The following THTPA variants were observed in gnomAD, a reference collection of about 807,000 sequenced individuals.
THTPA encodes thiamine-triphosphatase.
A neutral mutation model predicts 16.5 loss-of-function variants in THTPA; 16 were observed. The observed-to-expected ratio is 0.97, with a 90% CI of 0.66 to 1.47. The LOEUF (loss-of-function observed/expected upper bound fraction) is 1.47, where lower values mean the gene tolerates loss of function less well. Among genes scored for constraint, THTPA ranks in the 40% most tolerant of loss-of-function variants. The pLI is 0.00. For missense variants in THTPA, 281 were observed against 280.9 expected (o/e 1.00, Z 0.00); for synonymous variants, 110 against 115.5 (o/e 0.95, Z 0.30).
chr14:23,529,464 C>G, the THTPA span: 2 of 513,640 alleles, frequency 3.9e-6, no homozygotes, highest in Non-Finnish European at 3.5e-6. Context: ...TTCCTTTATT[C>G]ATCTTTCCCT....
the THTPA span, chr14:23,525,223 T>TC: frequency 1.3e-6 from 2 of 1,536,006 alleles, no homozygotes; most frequent in Non-Finnish European, 1.7e-6. The surrounding 1 kb of genome is among the most constrained non-coding windows in gnomAD (Gnocchi z 5.9). Flanking sequence ...TGGGCCAGTG[T>TC]CCCCCTGCTC....
the THTPA span, among the ~76,000 whole-genome samples, chr14:23,545,555 T>C: frequency 6.6e-6 from 1 of 152,246 alleles, no homozygotes; most frequent in South Asian, 2.1e-4. Flanking sequence ...GCCTAATCTT[T>C]CCAGAACCTC....
upstream of THTPA, among the ~76,000 whole-genome samples, chr14:23,552,250 T>C (rs1302033678): frequency 6.6e-6 from 1 of 151,400 alleles, no homozygotes; most frequent in Non-Finnish European, 1.5e-5. Context: ...TTCGGGCTCC[T>C]CCTCATCTTC....
In THTPA at chr14:23,560,205, C is replaced by T; in HGVS notation, c.*1365C>T. On this transcript the variant is annotated 3_prime_UTR_variant, in exon 2 of 2. Transcript: ENST00000288014. The stretch of plus-strand genomic sequence containing the variant: ...CCACCCACCTCCTCCACTTAGTGGC[C>T]TTTTCTCCTGGAGTCCCCAGGCCAC... 2 of 1,600,560 alleles carry T rather than the reference C, an allele frequency of 1.2e-6. No individual in the cohort carries two copies. Among genetic ancestry groups the T allele is most frequent in the Non-Finnish European group, 1.7e-6 (2 of 1,171,578 alleles).
chr14:23,559,721 G>A lies in THTPA; in HGVS notation c.*881G>A, dbSNP rs773005007. On this transcript the variant is annotated 3_prime_UTR_variant, in exon 2 of 2. Coordinates refer to ENST00000288014, the MANE Select transcript of THTPA (RefSeq NM_024328.6). Reference sequence around the variant, plus strand: ...GGGCCCCCTGGGGTTTGGGACACAGGAGAATTTCAGGCTGTGAGTGGAGAC... The same window carrying A: ...GGGCCCCCTGGGGTTTGGGACACAGAAGAATTTCAGGCTGTGAGTGGAGAC... 5 of 1,610,468 alleles carry A rather than the reference G, an allele frequency of 3.1e-6. No individual in the cohort carries two copies. The highest frequency in any genetic ancestry group is 3.4e-6 in the Non-Finnish European group (4 of 1,177,514).
At chr14:23,546,981 C>T in the THTPA span, among the ~76,000 whole-genome samples, 1 of 152,242 alleles carries the variant, frequency 6.6e-6, no homozygotes, top group Non-Finnish European at 1.5e-5. The surrounding 1 kb of genome is among the most constrained non-coding windows in gnomAD (Gnocchi z 4.7). Context: ...GATTTCTCAA[C>T]CCATTCAGGG....
At chr14:23,524,259 C>T in the THTPA span, 1 of 1,536,358 alleles carries the variant, frequency 6.5e-7, no homozygotes, top group Non-Finnish European at 8.7e-7. The surrounding 1 kb of genome is among the most constrained non-coding windows in gnomAD (Gnocchi z 5.6). Context: ...TTTTTGAGCC[C>T]CACCTCCTCG....
the THTPA span, chr14:23,523,745 C>T: frequency 1.0e-5 from 16 of 1,536,152 alleles, no homozygotes; most frequent in African/African-American, 6.8e-5. This position sits in a 1 kb window ranked among gnomAD's most constrained non-coding sequence, Gnocchi z 4.1. Context: ...CCTGTAGCGC[C>T]GCTGCCCCAT....
chr14:23,544,934 G>A, the THTPA span, among the ~76,000 whole-genome samples: 3 of 151,264 alleles, frequency 2.0e-5, no homozygotes, highest in South Asian at 2.1e-4. Flanking sequence ...TTCCCTGGCC[G>A]TTTTTCTGCA....
the THTPA span, chr14:23,544,283 G>GAAAAAAAAAAAAAAA: frequency 2.8e-5 from 2 of 71,414 alleles, no homozygotes; most frequent in African/African-American, 9.6e-5. Flanking sequence ...ACAGAAAACA[G>GAAAAAAAAAAAAAAA]AAAAAAAAAA....
the THTPA span, chr14:23,535,285 G>T: frequency 2.0e-6 from 3 of 1,482,878 alleles, no homozygotes; most frequent in Non-Finnish European, 2.7e-6. The surrounding 1 kb of genome is among the most constrained non-coding windows in gnomAD (Gnocchi z 4.5). Context: ...CCCAGGGGAG[G>T]GGGTGGTACC....
chr14:23,527,618 T>C, the THTPA span: 12 of 1,536,508 alleles, frequency 7.8e-6, no homozygotes, highest in African/African-American at 1.4e-5. Flanking sequence ...AGCAGCAGCT[T>C]CTCAACGCAC....
At chr14:23,518,900 G>A in the THTPA span, among the ~76,000 whole-genome samples, 1 of 152,222 alleles carries the variant, frequency 6.6e-6, no homozygotes, top group African/African-American at 2.4e-5. The surrounding 1 kb of genome is among the most constrained non-coding windows in gnomAD (Gnocchi z 4.5). Flanking sequence ...GAGCAGGACT[G>A]CTGCTGCTAA....
At chr14:23,524,852 G>C in the THTPA span, 1 of 1,536,632 alleles carries the variant, frequency 6.5e-7, no homozygotes, top group South Asian at 1.2e-5. The surrounding 1 kb of genome is among the most constrained non-coding windows in gnomAD (Gnocchi z 5.6). Flanking sequence ...CTCTTCAAGG[G>C]TCTGGTCATC....
At chr14:23,519,247 C>A in the THTPA span, among the ~76,000 whole-genome samples, 1 of 152,190 alleles carries the variant, frequency 6.6e-6, no homozygotes, top group East Asian at 1.9e-4. Context: ...TACAGCACAC[C>A]ACACTTCTAA....
rs1380027342 is a variant in THTPA, at chr14:23,557,288, G to T, written c.531G>T (p.Arg177Ser). Residue 177 changes from arginine to serine, a missense_variant, in exon 1 of 2, where the codon AGG becomes AGT. Coordinates refer to ENST00000288014, the MANE Select transcript of THTPA (RefSeq NM_024328.6). ...CAACTGCCCTAGAGAAGATCCACAGGCTCAGCAGCATGCTTGGTGAGGGAG... is the reference window on the plus strand; with the variant it reads ...CAACTGCCCTAGAGAAGATCCACAGTCTCAGCAGCATGCTTGGTGAGGGAG... Reference protein sequence around the residue: ...EVPTALEKIHRLSSMLGVPAQ... With the variant: ...EVPTALEKIHSLSSMLGVPAQ... 1 of 1,599,082 alleles carries T rather than the reference G, an allele frequency of 6.3e-7. No homozygotes were observed. Among genetic ancestry groups the T allele is most frequent in the Non-Finnish European group, 8.5e-7 (1 of 1,175,172 alleles).
At chr14:23,525,032 C>T in the THTPA span, 142 of 1,536,074 alleles carry the variant, frequency 9.2e-5, 1 homozygote, top group South Asian at 7.5e-4. This position sits in a 1 kb window ranked among gnomAD's most constrained non-coding sequence, Gnocchi z 5.9. Flanking sequence ...CACCACCACA[C>T]GGCTAGCCAG....
At chr14:23,523,953 G>A in the THTPA span, 1 of 1,535,378 alleles carries the variant, frequency 6.5e-7, no homozygotes, top group Non-Finnish European at 8.7e-7. The surrounding 1 kb of genome is among the most constrained non-coding windows in gnomAD (Gnocchi z 4.1). Flanking sequence ...GGTAGGAGAG[G>A]TAGAGGTGGC....
At chr14:23,526,737 C>G in the THTPA span, 2 of 1,534,408 alleles carry the variant, frequency 1.3e-6, no homozygotes, top group South Asian at 2.4e-5. Context: ...CCAGACCCCA[C>G]CCACTCAATA....
Sources: allele counts gnomAD v4.1 joint callset (sites outside exome capture counted in the v4.1 genomes callset), GRCh38; gene constraint gnomAD v4.1.1; non-coding constraint Gnocchi (gnomAD v3.1); transcripts MANE v1.5; gene names NCBI Gene and HGNC (gene_info 2026-07-23, HGNC 2026-07-21).